Variants in PCDHGB7 observed in about 807,000 individuals in gnomAD.
PCDHGB7 encodes protocadherin gamma subfamily B, 7, also known as protocadherin gamma-B7.
In PCDHGB7, 37 loss-of-function variants were observed where a neutral mutation model predicts 61.4. That is an observed-to-expected ratio of 0.60 (90% confidence interval 0.46 to 0.79). The LOEUF is 0.79. Among genes scored for constraint, PCDHGB7 ranks in the 30% least tolerant of loss-of-function variants. The pLI is 0.00. For missense variants in PCDHGB7, 1,166 were observed against 1,202.5 expected, an observed-to-expected ratio of 0.97 and a Z score of 0.45; for synonymous variants, 464 against 503.5, an observed-to-expected ratio of 0.92 and a Z score of 1.05.
chr5:141,509,144 G>A (rs969990007), intron 3 of PCDHGB7, among the ~76,000 whole-genome samples: 1 of 152,114 alleles, frequency 6.6e-6, no homozygotes, highest in African/African-American at 2.4e-5. Context: ...GGCGCATCCC[G>A]GCTCTCCCCT....
Position 141,418,127 on chromosome 5 carries a change from A to G in PCDHGB7, c.268A>G (p.Ile90Val). The change falls in exon 1 of 4, where the codon ATA becomes GTA. Residue 90 changes from isoleucine (I) to valine (V), a missense_variant. Ile to Val is a conservative substitution (Grantham distance 29, BLOSUM62 3). Coordinates refer to ENST00000398594, the MANE Select transcript of PCDHGB7 (RefSeq NM_018927.4). ...QSGDLLVKDRIDREQICKERR... is the reference protein window; with the variant it reads ...QSGDLLVKDRVDREQICKERR... ...CGGGGACTTACTTGTGAAGGACCGAATAGACCGTGAGCAAATATGCAAAGA... is the reference window on the plus strand; with the variant it reads ...CGGGGACTTACTTGTGAAGGACCGAGTAGACCGTGAGCAAATATGCAAAGA... The G allele has an allele frequency of 6.2e-7, 1 of 1,614,104 alleles. No homozygotes were observed. The highest frequency in any genetic ancestry group is 2.2e-5 in the East Asian group (1 of 44,892).
chr5:141,419,279 G>C lies in PCDHGB7; in HGVS notation c.1420G>C (p.Val474Leu). ...NNQPGASIAQ[V>L]SASDPDFGLN... Reference sequence around the variant, plus strand: ...CCAGCCGGGTGCCTCCATAGCGCAAGTCAGTGCCTCTGACCCAGACTTCGG... The same window carrying C: ...CCAGCCGGGTGCCTCCATAGCGCAACTCAGTGCCTCTGACCCAGACTTCGG... Residue 474 changes from valine (V) to leucine (L), a missense_variant, in exon 1 of 4, where the codon GTC becomes CTC. Transcript: ENST00000398594. 1 of 1,614,042 alleles carries C rather than the reference G, an allele frequency of 6.2e-7. No individual in the cohort carries two copies. Among genetic ancestry groups the C allele is most frequent in the South Asian group, 1.1e-5 (1 of 91,090 alleles).
intron 1 of PCDHGB7, among the ~76,000 whole-genome samples, chr5:141,467,680 T>A (rs75237059): frequency 6.6e-6 from 1 of 152,138 alleles, no homozygotes; most frequent in Non-Finnish European, 1.5e-5. Flanking sequence ...TTATTTTTTT[T>A]AGACAGGGTC....
intron 1 of PCDHGB7, among the ~76,000 whole-genome samples, chr5:141,460,672 TATATCTATATA>T (rs2098995194): frequency 6.6e-6 from 1 of 152,086 alleles, no homozygotes; most frequent in Admixed American, 6.6e-5. Flanking sequence ...AACACAGTTA[TATATCTATATA>T]TCCACCAACA....
intron 1 of PCDHGB7, among the ~76,000 whole-genome samples, chr5:141,465,779 G>GT (rs879859429): frequency 0.017 from 2,504 of 144,598 alleles, 23 homozygotes; most frequent in Non-Finnish European, 0.024. Flanking sequence ...TCTTGTTACA[G>GT]TTTTTTTTTT....
chr5:141,475,903 G>C, intron 1 of PCDHGB7: 5 of 576,064 alleles, frequency 8.7e-6, no homozygotes, highest in Non-Finnish European at 1.5e-5. Context: ...TGCCGCTGTC[G>C]GCCAATGAAG....
chr5:141,418,778 T>C lies in PCDHGB7; in HGVS notation c.919T>C (p.Leu307=), dbSNP rs1256260275. The change falls in exon 1 of 4, where the codon TTG becomes CTG. Residue 307 remains leucine, a synonymous_variant. Coordinates refer to ENST00000398594, the MANE Select transcript of PCDHGB7 (RefSeq NM_018927.4). ...TTGNILTQQP[L]DFEEVERYTI... ...AGGAAACATTCTAACTCAGCAGCCT[T>C]TGGATTTTGAAGAAGTAGAAAGATA... 1 of 1,613,744 alleles carries C rather than the reference T, an allele frequency of 6.2e-7. No individual in the cohort carries two copies. The highest frequency in any genetic ancestry group is 8.5e-7 in the Non-Finnish European group (1 of 1,179,690).
intron 1 of PCDHGB7, among the ~76,000 whole-genome samples, chr5:141,472,497 G>A (rs1196427013): frequency 1.3e-5 from 2 of 151,958 alleles, no homozygotes; most frequent in Non-Finnish European, 2.9e-5. Context: ...ACGAGATCGT[G>A]CCACTGCACT....
At chr5:141,447,798 A>G (rs2098551922) in intron 1 of PCDHGB7, among the ~76,000 whole-genome samples, 2 of 152,230 alleles carry the variant, frequency 1.3e-5, no homozygotes, top group Admixed American at 1.3e-4. Context: ...TTAAGAAAAT[A>G]AAATTGGCTG....
intron 1 of PCDHGB7, among the ~76,000 whole-genome samples, chr5:141,483,393 C>T (rs1475344614): frequency 6.6e-6 from 1 of 152,080 alleles, no homozygotes; most frequent in Admixed American, 6.5e-5. Flanking sequence ...TTGATAAATG[C>T]TTGAACCAGC....
At position 141,477,811 on chromosome 5, in the gene PCDHGB7, C is replaced by T. The variant is rs1211574518; in HGVS notation, c.2416-16996C>T. The T allele has an allele frequency of 6.2e-7, 1 of 1,614,164 alleles. No homozygotes were observed. The highest frequency in any genetic ancestry group is 8.5e-7 in the Non-Finnish European group (1 of 1,180,026). ...TCACTGATCGCAATGACAATGCCCC[C>T]CAGGTCCTATATCCTCGGCCAGGTG... is the stretch of plus-strand genomic sequence containing the variant. On this transcript the variant is annotated intron_variant, in intron 1 of 3. Transcript: ENST00000398594. The surrounding 1 kb of genome is among the most constrained non-coding windows in gnomAD (Gnocchi z 4.9).
intron 1 of PCDHGB7, among the ~76,000 whole-genome samples, chr5:141,447,047 T>C (rs529082157): frequency 1.3e-5 from 2 of 152,342 alleles, no homozygotes; most frequent in African/African-American, 4.8e-5. Flanking sequence ...TCTGGAATTC[T>C]ATTAAAATGT....
At position 141,487,665 on chromosome 5, in the gene PCDHGB7, G is replaced by C. The variant is rs373971935; in HGVS notation, c.2416-7142G>C. 2.1e-5 allele frequency: 34 copies of C among 1,612,724 alleles called. No homozygotes were observed. In the South Asian group the frequency reaches 3.4e-4, roughly 16 times the overall value. ...ATGCTTGAGGGTTATTCTGATCCAG[G>C]CATATGGCTAGGCCATGTCCTAGAG... On this transcript the variant is annotated intron_variant, in intron 1 of 3. Transcript: ENST00000398594. The surrounding 1 kb of genome is among the most constrained non-coding windows in gnomAD (Gnocchi z 5.0).
intron 1 of PCDHGB7, chr5:141,428,461 G>A: frequency 2.8e-6 from 1 of 352,014 alleles, no homozygotes; most frequent in South Asian, 2.8e-5. Flanking sequence ...CAACTACAAT[G>A]AGGGAACTTT....
At position 141,418,391 on chromosome 5, in the gene PCDHGB7, T is replaced by G; in HGVS notation, c.532T>G (p.Phe178Val). 1 of 1,614,010 alleles carries G rather than the reference T, an allele frequency of 6.2e-7. No homozygotes were observed. Among genetic ancestry groups the G allele is most frequent in the Non-Finnish European group, 8.5e-7 (1 of 1,179,894 alleles). Residue 178 changes from phenylalanine to valine, a missense_variant, in exon 1 of 4, where the codon TTC (phenylalanine) becomes GTC (valine). Transcript: ENST00000398594. ...SKYQLSPNEY[F>V]SLVEKDNPDG... ...ATACCAACTAAGTCCTAACGAGTAT[T>G]TCTCATTGGTGGAGAAAGACAATCC...
In PCDHGB7 at chr5:141,485,578, G is replaced by A; in HGVS notation, c.2416-9229G>A. ...ATGATCACGCCCCCCGTTTTCCGCG[G>A]CAGCAGCTGGACTTGGAAATTGGGG... is the stretch of plus-strand genomic sequence containing the variant. On this transcript the variant is annotated intron_variant, in intron 1 of 3. Transcript: ENST00000398594. This position sits in a 1 kb window ranked among gnomAD's most constrained non-coding sequence, Gnocchi z 5.7. 6.2e-7 allele frequency: 1 copy of A among 1,612,362 alleles called. No homozygotes were observed. Among genetic ancestry groups the A allele is most frequent in the Non-Finnish European group, 8.5e-7 (1 of 1,178,688 alleles).
At position 141,485,402 on chromosome 5, in the gene PCDHGB7, G is replaced by T. The variant is rs375700791; in HGVS notation, c.2416-9405G>T. ...AGAGGTGAACCAAAGACACTTCCGTGTGGATTTGGACAGCGGAGCCCTGCT... is the reference window on the plus strand; with the variant it reads ...AGAGGTGAACCAAAGACACTTCCGTTTGGATTTGGACAGCGGAGCCCTGCT... On this transcript the variant is annotated intron_variant, in intron 1 of 3. Coordinates refer to ENST00000398594, the MANE Select transcript of PCDHGB7 (RefSeq NM_018927.4). This position sits in a 1 kb window ranked among gnomAD's most constrained non-coding sequence, Gnocchi z 5.7. The T allele has an allele frequency of 6.2e-7, 1 of 1,614,194 alleles. No homozygotes were observed. Among genetic ancestry groups the T allele is most frequent in the East Asian group, 2.2e-5 (1 of 44,878 alleles).
In PCDHGB7 at chr5:141,432,627, C is replaced by G. The variant is rs886117102; in HGVS notation, c.2415+12353C>G. On this transcript the variant is annotated intron_variant, in intron 1 of 3. Transcript: ENST00000398594. This position sits in a 1 kb window ranked among gnomAD's most constrained non-coding sequence, Gnocchi z 6.0. The stretch of plus-strand genomic sequence containing the variant: ...GGACTCTTCTCGGTGGGTCTGCACA[C>G]GGGCGAGGTGCGCACGGCGCGAGCC... The G allele has an allele frequency of 1.2e-6, 2 of 1,613,652 alleles. No individual in the cohort carries two copies. The highest frequency in any genetic ancestry group is 2.7e-5 in the African/African-American group (2 of 74,886).
chr5:141,423,647 C>T (rs775169904), intron 1 of PCDHGB7: 3 of 1,589,144 alleles, frequency 1.9e-6, no homozygotes, highest in Non-Finnish European at 2.6e-6. Flanking sequence ...AAATGTGACC[C>T]GACAAGTAAT....
Sources: allele counts gnomAD v4.1 joint callset (sites outside exome capture counted in the v4.1 genomes callset), GRCh38; gene constraint gnomAD v4.1.1; non-coding constraint Gnocchi (gnomAD v3.1); transcripts MANE v1.5; gene names NCBI Gene and HGNC (gene_info 2026-07-23, HGNC 2026-07-21).